The following EFNA5 variants were observed in gnomAD, a reference collection of about 807,000 sequenced individuals.
The protein encoded by EFNA5 is ephrin-A5.
In EFNA5, 5 loss-of-function variants were observed where a neutral mutation model predicts 22.9. That is an observed-to-expected ratio of 0.22 (90% confidence interval 0.11 to 0.46). The LOEUF is 0.46. EFNA5 is among the 20% of genes least tolerant of loss of function. EFNA5 has a pLI of 0.99. For missense variants in EFNA5, 237 were observed against 293.3 expected (o/e 0.81, Z 1.40); for synonymous variants, 113 against 112.2 (o/e 1.01, Z -0.04).
At chr5:107,442,273 T>C (rs945313545) in intron 1 of EFNA5, among the ~76,000 whole-genome samples, 1 of 152,096 alleles carries the variant, frequency 6.6e-6, no homozygotes, top group Admixed American at 6.6e-5. Flanking sequence ...TAAAATAAAG[T>C]TTGAGCCATC....
chr5:107,438,072 A>G (rs2112432732), intron 1 of EFNA5, among the ~76,000 whole-genome samples: 1 of 152,348 alleles, frequency 6.6e-6, no homozygotes, highest in Non-Finnish European at 1.5e-5. Context: ...CGTCTTTGCT[A>G]TGCTACAGCT....
chr5:107,611,389 C>T (rs764469193), intron 1 of EFNA5, among the ~76,000 whole-genome samples: 6 of 152,166 alleles, frequency 3.9e-5, no homozygotes, highest in East Asian at 1.9e-4. Context: ...TAAAATCACA[C>T]GTTTCCCACA....
chr5:107,546,176 A>G (rs989421406), intron 1 of EFNA5, among the ~76,000 whole-genome samples: 3 of 152,180 alleles, frequency 2.0e-5, no homozygotes, highest in African/African-American at 7.2e-5. Context: ...CTCTTCCTGA[A>G]GTATAGAAAA....
intron 1 of EFNA5, among the ~76,000 whole-genome samples, chr5:107,585,975 T>C (rs566860403): frequency 5.3e-5 from 8 of 152,300 alleles, no homozygotes; most frequent in South Asian, 4.1e-4. Flanking sequence ...AAGACTACTA[T>C]GAAAAGCAGA....
At chr5:107,637,518 C>CTGTGTCTG (rs1554070634) in intron 1 of EFNA5, among the ~76,000 whole-genome samples, 5 of 143,498 alleles carry the variant, frequency 3.5e-5, no homozygotes, top group African/African-American at 1.0e-4. Context: ...GTGTGTGTGT[C>CTGTGTCTG]TGTGTGTGTG....
At chr5:107,660,535 C>T (rs1262640029) in intron 1 of EFNA5, among the ~76,000 whole-genome samples, 5 of 151,394 alleles carry the variant, frequency 3.3e-5, no homozygotes, top group African/African-American at 7.3e-5. Flanking sequence ...CAGGGAAATA[C>T]TCTTTAGAAT....
chr5:107,658,694 G>A (rs1750879333), intron 1 of EFNA5, among the ~76,000 whole-genome samples: 1 of 152,144 alleles, frequency 6.6e-6, no homozygotes, highest in African/African-American at 2.4e-5. Flanking sequence ...GAACCTTGCT[G>A]TGCAAACCAC....
chr5:107,469,366 T>A (rs1384403061), intron 1 of EFNA5, among the ~76,000 whole-genome samples: 1 of 150,188 alleles, frequency 6.7e-6, no homozygotes, highest in African/African-American at 2.5e-5. Flanking sequence ...CAAAGATTGA[T>A]CTAATTTTGG....
At chr5:107,607,534 A>C (rs1338989685) in intron 1 of EFNA5, among the ~76,000 whole-genome samples, 1 of 152,212 alleles carries the variant, frequency 6.6e-6, no homozygotes, top group Non-Finnish European at 1.5e-5. Flanking sequence ...GATTTTACTA[A>C]CCTATATTAC....
intron 2 of EFNA5, among the ~76,000 whole-genome samples, chr5:107,422,853 G>A (rs1375659048): frequency 1.3e-5 from 2 of 152,172 alleles, no homozygotes; most frequent in Non-Finnish European, 2.9e-5. Context: ...GGAGCTTGCT[G>A]CACTGGTAGA....
chr5:107,416,110 T>A lies in EFNA5; in HGVS notation c.418+11107A>T, dbSNP rs1748498346. 3.3e-5 allele frequency among the ~76,000 whole-genome samples: 5 copies of A among 152,242 alleles called. No individual in the cohort carries two copies. In the South Asian group the frequency reaches 6.2e-4, roughly 19 times the overall value. ...GAATGGTGAATGACACATTTCATTA[T>A]GTCATCATGTCTGACCCCACAAACC... On this transcript the variant is annotated intron_variant, in intron 2 of 4. Transcript: ENST00000333274.
In EFNA5 at chr5:107,521,476, A is replaced by ATT. The variant is rs1224759732; in HGVS notation, c.126-93969_126-93968dup. 2.2e-3 allele frequency among the ~76,000 whole-genome samples: 130 copies of ATT among 58,328 alleles called. 1 individual carries two copies. The highest frequency in any genetic ancestry group is 5.8e-3 in the South Asian group (11 of 1,882). The allele number at this position is 58,328 out of a possible 152,430, so 38.3% of individuals were successfully genotyped here. A position where few individuals can be genotyped will look rare whatever the true frequency, so the allele number is the denominator to read the frequency against. ...CCTGGCTATATATATATATATATAT[A>ATT]TTTTTTTTTTTTTTTGGAGAGACAG... On this transcript the variant is annotated intron_variant, in intron 1 of 4. Coordinates refer to ENST00000333274, the MANE Select transcript of EFNA5 (RefSeq NM_001962.3).
chr5:107,481,188 GAA>G (rs1424859465), intron 1 of EFNA5, among the ~76,000 whole-genome samples: 1 of 152,164 alleles, frequency 6.6e-6, no homozygotes. Flanking sequence ...CTGCAAATGA[GAA>G]AAACCCTCGG....
intron 1 of EFNA5, among the ~76,000 whole-genome samples, chr5:107,436,158 A>T (rs1749104604): frequency 6.6e-6 from 1 of 152,224 alleles, no homozygotes; most frequent in African/African-American, 2.4e-5. Flanking sequence ...ATCTCCCAGA[A>T]ATTGCACCTG....
chr5:107,440,404 C>T (rs1241757854), intron 1 of EFNA5, among the ~76,000 whole-genome samples: 3 of 152,158 alleles, frequency 2.0e-5, no homozygotes, highest in African/African-American at 7.2e-5. Flanking sequence ...TGGAAAAGAA[C>T]TATAGTTCAA....
intron 1 of EFNA5, among the ~76,000 whole-genome samples, chr5:107,455,135 C>T (rs761647149): frequency 6.6e-6 from 1 of 152,174 alleles, no homozygotes; most frequent in Non-Finnish European, 1.5e-5. Context: ...TGGCCTTACA[C>T]ATCTGGTCCC....
In EFNA5 at chr5:107,595,426, C is replaced by T. The variant is rs987326253; in HGVS notation, c.125+75063G>A. Among the ~76,000 whole-genome samples, 42 of 152,070 alleles carry T rather than the reference C, an allele frequency of 2.8e-4. 1 individual carries two copies. The highest frequency in any genetic ancestry group is 7.3e-5 in the Non-Finnish European group (5 of 68,030). On this transcript the variant is annotated intron_variant, in intron 1 of 4. Transcript: ENST00000333274. The stretch of plus-strand genomic sequence containing the variant: ...AATAATTAAAATCACTTCACCCTAT[C>T]CTATAAAGCTTAAATATACCATTAA...
At chr5:107,491,860 T>C (rs1034039450) in intron 1 of EFNA5, among the ~76,000 whole-genome samples, 1 of 152,076 alleles carries the variant, frequency 6.6e-6, no homozygotes, top group Non-Finnish European at 1.5e-5. Flanking sequence ...TGAGACAGAG[T>C]CTCACCCTGT....
At chr5:107,472,601 T>A (rs1750168832) in intron 1 of EFNA5, among the ~76,000 whole-genome samples, 1 of 152,226 alleles carries the variant, frequency 6.6e-6, no homozygotes, top group African/African-American at 2.4e-5. Context: ...CCAAAGGACA[T>A]TAGCAAAAGG....
Sources: gnomAD v4.1 joint callset for allele counts (sites outside exome capture counted in the v4.1 genomes callset) on GRCh38, gnomAD v4.1.1 for gene constraint, MANE v1.5 for transcripts, NCBI Gene and HGNC (gene_info 2026-07-23, HGNC 2026-07-21) for gene names.